The following RPS6KC1 variants were observed in gnomAD, a reference collection of about 807,000 sequenced individuals.
RPS6KC1 encodes inactive ribosomal protein S6 kinase delta-1.
A neutral mutation model predicts 103.8 loss-of-function variants in RPS6KC1; 54 were observed. The ratio of observed to expected loss-of-function variants is 0.52; its 90% CI spans 0.42 to 0.65. The LOEUF (loss-of-function observed/expected upper bound fraction) is 0.65. Ranked by LOEUF, RPS6KC1 falls within the 30% of genes least tolerant of loss-of-function variation. The pLI is 0.00. For missense variants in RPS6KC1, 1,151 were observed against 1,253.8 expected (o/e 0.92, Z 1.24); for synonymous variants, 439 against 438.7 (o/e 1.00, Z -0.01).
chr1:213,572,465 C>G, the RPS6KC1 span, among the ~76,000 whole-genome samples: 1 of 152,188 alleles, frequency 6.6e-6, no homozygotes, highest in African/African-American at 2.4e-5. Flanking sequence ...GATGGTCCTT[C>G]TGATTTTCTC....
the RPS6KC1 span, among the ~76,000 whole-genome samples, chr1:213,386,876 G>A: frequency 1.3e-5 from 2 of 152,304 alleles, no homozygotes; most frequent in East Asian, 3.9e-4. Flanking sequence ...GTGTCAGAAG[G>A]TGTCCTTGTC....
the RPS6KC1 span, among the ~76,000 whole-genome samples, chr1:213,860,743 G>A: frequency 2.6e-5 from 4 of 152,144 alleles, no homozygotes; most frequent in South Asian, 2.1e-4. Context: ...AGAAGACGCA[G>A]CCAGAGCCTG....
chr1:213,386,025 G>T, the RPS6KC1 span, among the ~76,000 whole-genome samples: 1 of 152,220 alleles, frequency 6.6e-6, no homozygotes, highest in African/African-American at 2.4e-5. Context: ...GATCCTCAAT[G>T]TTGGAGGTGG....
chr1:213,445,368 G>T, the RPS6KC1 span, among the ~76,000 whole-genome samples: 5 of 152,176 alleles, frequency 3.3e-5, no homozygotes, highest in Admixed American at 3.3e-4. Context: ...TTGCTGGGTT[G>T]TATGGTGACT....
At position 213,231,727 on chromosome 1, in the gene RPS6KC1, A is replaced by G. The variant is rs1274555862; in HGVS notation, c.1093-396A>G. Among the ~76,000 whole-genome samples, 7 of 152,226 alleles carry G rather than the reference A, an allele frequency of 4.6e-5. No individual in the cohort carries two copies. The East Asian group carries it at 9.6e-4, about 21-fold the overall frequency. ...ATTTTAAAATTGCCTGCTTAATCTA[A>G]GAATACCTTTTGTGTCTCAGGAGTT... On this transcript the variant is annotated intron_variant, in intron 9 of 14. Transcript: ENST00000366960.
chr1:213,280,971 C>T, the RPS6KC1 span, among the ~76,000 whole-genome samples: 2 of 152,118 alleles, frequency 1.3e-5, no homozygotes, highest in Non-Finnish European at 2.9e-5. Flanking sequence ...ACAGGCTTTG[C>T]ACTGCTTTCT....
intron 1 of RPS6KC1, among the ~76,000 whole-genome samples, chr1:213,061,591 GTT>G (rs35327007): frequency 6.9e-6 from 1 of 144,392 alleles, no homozygotes; most frequent in Non-Finnish European, 1.5e-5. Context: ...AGACTTGGGT[GTT>G]TTTTTTTTTT....
chr1:213,667,237 G>A, the RPS6KC1 span, among the ~76,000 whole-genome samples: 3 of 152,092 alleles, frequency 2.0e-5, no homozygotes, highest in South Asian at 2.1e-4. Context: ...ATGGGAGGGA[G>A]TATAAATTCT....
Position 213,130,492 on chromosome 1 carries a change from T to C in RPS6KC1, c.835+603T>C, listed in dbSNP as rs541159474. On this transcript the variant is annotated intron_variant, in intron 6 of 14. Transcript: ENST00000366960. ...CAGAATGAAGCATTCTGCATTTAGT[T>C]GCATGACTTTTTGGATGCAGTAATC... 2.0e-5 allele frequency among the ~76,000 whole-genome samples: 3 copies of C among 152,308 alleles called. No individual in the cohort carries two copies. In the South Asian group the frequency reaches 6.2e-4, roughly 32 times the overall value.
At chr1:213,358,213 C>T in the RPS6KC1 span, among the ~76,000 whole-genome samples, 1 of 152,122 alleles carries the variant, frequency 6.6e-6, no homozygotes, top group African/African-American at 2.4e-5. Flanking sequence ...GGAATGGTAC[C>T]AGCTCCTCCT....
chr1:213,490,519 A>C, the RPS6KC1 span, among the ~76,000 whole-genome samples: 2 of 152,072 alleles, frequency 1.3e-5, no homozygotes, highest in Non-Finnish European at 2.9e-5. Context: ...TCTCAGGCCC[A>C]TTGTACCTGG....
chr1:213,238,599 A>G (rs2094281372), intron 10 of RPS6KC1, among the ~76,000 whole-genome samples: 2 of 152,226 alleles, frequency 1.3e-5, no homozygotes, highest in Non-Finnish European at 2.9e-5. Context: ...TAGTTATAGC[A>G]TTATCCCCAA....
At chr1:213,221,316 G>A (rs575526782) in intron 8 of RPS6KC1, among the ~76,000 whole-genome samples, 4 of 152,086 alleles carry the variant, frequency 2.6e-5, no homozygotes, top group South Asian at 4.2e-4. Context: ...TTCCATAGGC[G>A]AACTGATGCT....
the RPS6KC1 span, among the ~76,000 whole-genome samples, chr1:213,533,345 CAG>C: frequency 9.2e-5 from 14 of 152,246 alleles, no homozygotes; most frequent in South Asian, 1.0e-3. Context: ...GGGCCATTAA[CAG>C]AGAAACAAGA....
chr1:213,772,316 C>A, the RPS6KC1 span, among the ~76,000 whole-genome samples: 1 of 152,126 alleles, frequency 6.6e-6, no homozygotes, highest in Non-Finnish European at 1.5e-5. Context: ...TTGTGGTAAC[C>A]CCAGGTGACC....
chr1:213,848,466 T>C, the RPS6KC1 span, among the ~76,000 whole-genome samples: 1 of 152,198 alleles, frequency 6.6e-6, no homozygotes, highest in Non-Finnish European at 1.5e-5. Flanking sequence ...TTAATGTGTA[T>C]ATCAGTAATT....
chr1:213,307,256 G>C, the RPS6KC1 span, among the ~76,000 whole-genome samples: 1 of 151,864 alleles, frequency 6.6e-6, no homozygotes, highest in Admixed American at 6.6e-5. Context: ...GTAGAGACAG[G>C]GTTTCACCGT....
At chr1:213,650,958 G>T in the RPS6KC1 span, among the ~76,000 whole-genome samples, 1 of 151,360 alleles carries the variant, frequency 6.6e-6, no homozygotes, top group Non-Finnish European at 1.5e-5. Flanking sequence ...AGGGGAGAGG[G>T]GGAGAGAGAG....
At chr1:213,148,352 T>G (rs1169122014) in intron 6 of RPS6KC1, among the ~76,000 whole-genome samples, 1 of 152,190 alleles carries the variant, frequency 6.6e-6, no homozygotes, top group Non-Finnish European at 1.5e-5. Flanking sequence ...GTGTGTTCCT[T>G]ATATATCCAG....
Sources: allele counts gnomAD v4.1 joint callset (sites outside exome capture counted in the v4.1 genomes callset), GRCh38; gene constraint gnomAD v4.1.1; transcripts MANE v1.5; gene names NCBI Gene and HGNC (gene_info 2026-07-23, HGNC 2026-07-21).